The following CREB5 variants were observed in gnomAD, a reference collection of about 807,000 sequenced individuals.
CREB5 encodes the protein cAMP responsive element binding protein 5.
In CREB5, 19 loss-of-function variants were observed where a neutral mutation model predicts 57.1. That is an observed-to-expected ratio of 0.33 (90% confidence interval 0.23 to 0.49). The LOEUF (loss-of-function observed/expected upper bound fraction) is 0.49. CREB5 is among the 20% of genes least tolerant of loss of function. The pLI is 0.99. For missense variants in CREB5, 579 were observed against 671.6 expected (o/e 0.86, Z 1.52); for synonymous variants, 238 against 238.3 (o/e 1.00, Z 0.01).
chr7:28,642,951 T>TAC (rs751628412), intron 5 of CREB5, among the ~76,000 whole-genome samples: 1,311 of 89,592 alleles, frequency 0.015, 21 homozygotes, highest in South Asian at 0.046. Context: ...AGGGTAGATT[T>TAC]ACACACACAC....
chr7:28,472,638 C>T (rs1790878151), intron 1 of CREB5, among the ~76,000 whole-genome samples: 1 of 152,184 alleles, frequency 6.6e-6, no homozygotes, highest in African/African-American at 2.4e-5. Context: ...AGAAGGTGAG[C>T]ATCTGTTCTG....
intron 5 of CREB5, among the ~76,000 whole-genome samples, chr7:28,612,834 A>T (rs1332453020): frequency 6.6e-6 from 1 of 152,160 alleles, no homozygotes; most frequent in East Asian, 1.9e-4. Context: ...GAAAGAGAAG[A>T]GTGACTTTCT....
intron 1 of CREB5, among the ~76,000 whole-genome samples, chr7:28,403,554 A>G (rs1424112518): frequency 6.6e-6 from 1 of 152,198 alleles, no homozygotes; most frequent in Admixed American, 6.5e-5. Flanking sequence ...GTAGATGAAG[A>G]ATCTGAACTT....
chr7:28,607,507 A>G (rs148332818), intron 5 of CREB5, among the ~76,000 whole-genome samples: 134 of 152,330 alleles, frequency 8.8e-4, no homozygotes, highest in African/African-American at 3.0e-3. Flanking sequence ...CTTTGCTGCC[A>G]TAGGAGAAAG....
At chr7:28,425,390 C>T (rs961649384) in intron 1 of CREB5, among the ~76,000 whole-genome samples, 1 of 149,684 alleles carries the variant, frequency 6.7e-6, no homozygotes, top group African/African-American at 2.5e-5. Context: ...CCAGAATAGG[C>T]AAATCCGTAG....
chr7:28,707,288 A>G (rs1802161306), intron 5 of CREB5, among the ~76,000 whole-genome samples: 1 of 152,228 alleles, frequency 6.6e-6, no homozygotes, highest in Non-Finnish European at 1.5e-5. Flanking sequence ...TAGATTATGC[A>G]TTGATCGTCT....
At chr7:28,574,811 A>C (rs1342758682) in intron 5 of CREB5, among the ~76,000 whole-genome samples, 1 of 152,246 alleles carries the variant, frequency 6.6e-6, no homozygotes, top group Non-Finnish European at 1.5e-5. Context: ...AACAGAATGC[A>C]TATATGAAGA....
Position 28,824,812 on chromosome 7 carries a change from A to G in CREB5, c.*5533A>G, listed in dbSNP as rs112601311. The G allele has an allele frequency of 6.6e-6, 1 of 152,644 alleles. No individual in the cohort carries two copies. The highest frequency in any genetic ancestry group is 1.5e-5 in the Non-Finnish European group (1 of 68,034). 9.5% of individuals were successfully genotyped at this position (152,644 alleles called of 1,614,324 possible). A position where few individuals can be genotyped will look rare whatever the true frequency, so the allele number is the denominator to read the frequency against. ...ACAGCTGAAGTGGGGGGTAAGGCCAAATTGCCAACACTTGTTAAAAGATTA... is the reference window on the plus strand; with the variant it reads ...ACAGCTGAAGTGGGGGGTAAGGCCAGATTGCCAACACTTGTTAAAAGATTA... On this transcript the variant is annotated 3_prime_UTR_variant, in exon 11 of 11. Transcript: ENST00000357727.
At chr7:28,381,321 C>G (rs938257683) in intron 1 of CREB5, among the ~76,000 whole-genome samples, 1 of 152,166 alleles carries the variant, frequency 6.6e-6, no homozygotes, top group Non-Finnish European at 1.5e-5. Flanking sequence ...AGGAAGTTTG[C>G]TTTCGTATTC....
chr7:28,436,676 T>A (rs1788976335), intron 1 of CREB5, among the ~76,000 whole-genome samples: 1 of 150,600 alleles, frequency 6.6e-6, no homozygotes, highest in South Asian at 2.1e-4. Context: ...TTCCAAGGCA[T>A]TTTTTTTTCT....
At chr7:28,319,523 G>A (rs1367670336) in intron 1 of CREB5, among the ~76,000 whole-genome samples, 1 of 152,116 alleles carries the variant, frequency 6.6e-6, no homozygotes, top group Non-Finnish European at 1.5e-5. Flanking sequence ...GGACTTCGGA[G>A]TATTTGTGAA....
At chr7:28,551,707 GGGA>G (rs1261538087) in intron 4 of CREB5, among the ~76,000 whole-genome samples, 3 of 152,126 alleles carry the variant, frequency 2.0e-5, no homozygotes, top group Admixed American at 1.3e-4. Context: ...GAGGGGACAA[GGGA>G]GGAGAACTCA....
At chr7:28,348,408 T>TCTCTCACACACA (rs1376338798) in intron 1 of CREB5, among the ~76,000 whole-genome samples, 186 of 118,244 alleles carry the variant, frequency 1.6e-3, no homozygotes, top group African/African-American at 5.6e-3. Flanking sequence ...TCTCTCTCTC[T>TCTCTCACACACA]CACACACACA....
chr7:28,609,697 G>A (rs531483831), intron 5 of CREB5, among the ~76,000 whole-genome samples: 9 of 152,336 alleles, frequency 5.9e-5, no homozygotes, highest in Admixed American at 6.5e-5. Context: ...GGTGCATGGA[G>A]GTAGTTTGGT....
chr7:28,436,583 G>C (rs1788971912), intron 1 of CREB5, among the ~76,000 whole-genome samples: 1 of 152,054 alleles, frequency 6.6e-6, no homozygotes, highest in Non-Finnish European at 1.5e-5. Context: ...ACTATACCAA[G>C]TGCAAAGATT....
intron 5 of CREB5, among the ~76,000 whole-genome samples, chr7:28,591,633 A>G (rs1304591593): frequency 6.6e-6 from 1 of 152,176 alleles, no homozygotes; most frequent in Non-Finnish European, 1.5e-5. Context: ...GAAGGTGGAC[A>G]GGGGCTAAGG....
chr7:28,560,959 T>TGTGTGC (rs1562798119), intron 4 of CREB5, among the ~76,000 whole-genome samples: 329 of 32,100 alleles, frequency 0.01, 20 homozygotes, highest in East Asian at 0.039. Flanking sequence ...TGCGTGTGTG[T>TGTGTGC]GCGTGTGTGT....
At chr7:28,331,123 C>T (rs756259921) in intron 1 of CREB5, among the ~76,000 whole-genome samples, 7 of 152,106 alleles carry the variant, frequency 4.6e-5, no homozygotes, top group African/African-American at 1.4e-4. Context: ...GAGCACTACC[C>T]ATTAATGACC....
intron 4 of CREB5, among the ~76,000 whole-genome samples, chr7:28,533,947 A>G (rs12539927): frequency 0.15 from 23,432 of 152,132 alleles, 2,156 homozygotes; most frequent in East Asian, 0.3. Context: ...CAGGACTCCA[A>G]CATTTACTTT....
Sources: gnomAD v4.1 joint callset for allele counts (sites outside exome capture counted in the v4.1 genomes callset) on GRCh38, gnomAD v4.1.1 for gene constraint, MANE v1.5 for transcripts, NCBI Gene and HGNC (gene_info 2026-07-23, HGNC 2026-07-21) for gene names.